Variants in TAB2 observed in about 807,000 individuals in gnomAD.
TAB2 encodes the protein TGF-beta-activated kinase 1 and MAP3K7-binding protein 2.
TAB2 carries 3 observed loss-of-function variants against 65.0 expected under a neutral mutation model. That is an observed-to-expected ratio of 0.05 (90% CI 0.02 to 0.12). The LOEUF is 0.12. TAB2 is among the 10% of genes least tolerant of loss of function. The pLI, the probability that TAB2 is intolerant of heterozygous loss-of-function variation, is 1.00. For synonymous variants in TAB2, 298 were observed against 285.1 expected, an observed-to-expected ratio of 1.05 and a Z score of -0.46; for missense variants, 623 against 840.3, an observed-to-expected ratio of 0.74 and a Z score of 3.20.
At chr6:149,397,480 T>TA (rs1782212080) in intron 3 of TAB2, 124 bp from the exon 4 acceptor site, 1 of 1,143,620 alleles carries the variant, frequency 8.7e-7, no homozygotes, top group Non-Finnish European at 1.3e-6. Flanking sequence ...TGCCTAAACT[T>TA]ACAATATTTT....
intron 5 of TAB2, among the ~76,000 whole-genome samples, 187 bp from the exon 6 acceptor site, chr6:149,398,917 A>G (rs574597106): frequency 3.3e-5 from 5 of 152,244 alleles, no homozygotes; most frequent in South Asian, 2.1e-4. Context: ...TGAGTACTAC[A>G]TTATACCTAA....
chr6:149,398,452 G>A (rs545447645), intron 5 of TAB2, among the ~76,000 whole-genome samples: 2 of 152,158 alleles, frequency 1.3e-5, no homozygotes, highest in South Asian at 4.2e-4. Context: ...ATATAAAATG[G>A]AAAAGACAGG....
At chr6:149,220,486 A>T (rs1777119281) in intron 1 of TAB2, among the ~76,000 whole-genome samples, 1 of 152,166 alleles carries the variant, frequency 6.6e-6, no homozygotes, top group Non-Finnish European at 1.5e-5. Flanking sequence ...GATCTTCCAA[A>T]TGTTGGCATA....
At position 149,338,050 on chromosome 6, in the gene TAB2, C is replaced by T. The variant is rs188349897; in HGVS notation, c.-90+20035C>T. 5.3e-5 allele frequency among the ~76,000 whole-genome samples: 8 copies of T among 152,228 alleles called. No homozygotes were observed. The East Asian group carries it at 1.5e-3, about 29-fold the overall frequency. On this transcript the variant is annotated intron_variant, in intron 1 of 6. Coordinates refer to ENST00000637181, the MANE Select transcript of TAB2 (RefSeq NM_001292034.3). ...CAGGTCCACAATGCTTTATCTGAAA[C>T]CCTGAGGCCAGCTGTGTTTTGGGAT...
chr6:149,344,364 C>T (rs928492962), intron 1 of TAB2, among the ~76,000 whole-genome samples: 1 of 152,022 alleles, frequency 6.6e-6, no homozygotes, highest in Non-Finnish European at 1.5e-5. Flanking sequence ...ATGAAAGTAT[C>T]GTAATAGAGA....
chr6:149,385,547 T>C (rs753129115), intron 3 of TAB2, among the ~76,000 whole-genome samples: 1 of 152,220 alleles, frequency 6.6e-6, no homozygotes, highest in African/African-American at 2.4e-5. Flanking sequence ...ATTGGACCAC[T>C]TACAGAATAT....
intron 1 of TAB2, among the ~76,000 whole-genome samples, chr6:149,304,951 TA>T (rs1279856138): frequency 1.3e-5 from 2 of 151,828 alleles, no homozygotes; most frequent in African/African-American, 4.9e-5. Context: ...TCATATACTT[TA>T]ATCATCTCTA....
intron 1 of TAB2, chr6:149,255,355 T>C (rs1778000399): frequency 6.6e-6 from 1 of 152,266 alleles, no homozygotes; most frequent in Non-Finnish European, 1.5e-5. Flanking sequence ...GAGAAATAAA[T>C]GTTTGTTGAT....
chr6:149,366,204 T>C (rs1027373942), intron 1 of TAB2, among the ~76,000 whole-genome samples: 1 of 152,202 alleles, frequency 6.6e-6, no homozygotes, highest in Non-Finnish European at 1.5e-5. Context: ...CTGGATTCTG[T>C]ATTCCTCCAG....
chr6:149,345,578 A>G (rs2114789800), intron 1 of TAB2, among the ~76,000 whole-genome samples: 1 of 152,344 alleles, frequency 6.6e-6, no homozygotes, highest in South Asian at 2.1e-4. Flanking sequence ...AAATTGGGAC[A>G]GATGACTAAA....
In TAB2 at chr6:149,283,603, G is replaced by A. The variant is rs150907147; in HGVS notation, c.-121+64827G>A. On this transcript the variant is annotated intron_variant, in intron 1 of 1. Coordinates refer to the TAB2 transcript ENST00000606202. The stretch of plus-strand genomic sequence containing the variant: ...TGCACGCCTGTAATCTCAGCTATTC[G>A]GGAGGCTGAGGCAGGAGAATCACTT... Among the ~76,000 whole-genome samples the A allele has an allele frequency of 1.6e-3, 244 of 152,124 alleles. 5 individuals are homozygous for A. In the East Asian group the frequency reaches 0.041, roughly 26 times the overall value.
At chr6:149,289,023 A>G (rs1325135759) in intron 1 of TAB2, among the ~76,000 whole-genome samples, 1 of 151,768 alleles carries the variant, frequency 6.6e-6, no homozygotes, top group Non-Finnish European at 1.5e-5. Context: ...ATGCCCAGCT[A>G]ATTTTTTGTA....
chr6:149,377,931 C>A (rs1781458174), intron 2 of TAB2, 87 bp from the exon 3 acceptor site: 1 of 983,298 alleles, frequency 1.0e-6, no homozygotes, highest in Non-Finnish European at 1.6e-6. Flanking sequence ...ATTAGCCAGT[C>A]ACTTGGTAAT....
intron 1 of TAB2, among the ~76,000 whole-genome samples, chr6:149,368,802 A>C (rs1350502184): frequency 2.0e-5 from 3 of 152,162 alleles, no homozygotes; most frequent in African/African-American, 7.2e-5. Flanking sequence ...CAATTTAATC[A>C]AGTGATGATA....
At chr6:149,253,331 G>T (rs752938204) in intron 1 of TAB2, among the ~76,000 whole-genome samples, 1 of 152,160 alleles carries the variant, frequency 6.6e-6, no homozygotes, top group Non-Finnish European at 1.5e-5. Flanking sequence ...AAGAAAGAAT[G>T]TAGTTTTGGC....
intron 1 of TAB2, among the ~76,000 whole-genome samples, chr6:149,327,946 T>C (rs771469175): frequency 6.6e-6 from 1 of 152,184 alleles, no homozygotes; most frequent in Non-Finnish European, 1.5e-5. Flanking sequence ...TTCATGAGAT[T>C]TTTCCCCTCA....
intron 1 of TAB2, among the ~76,000 whole-genome samples, chr6:149,354,484 T>A (rs189973146): frequency 5.9e-5 from 9 of 152,332 alleles, no homozygotes; most frequent in African/African-American, 2.2e-4. Flanking sequence ...TTATTTTCAC[T>A]TTTTATTGAA....
chr6:149,400,567 G>C lies in TAB2; in HGVS notation c.1939+1383G>C, dbSNP rs745923032. ...CGGGGATTGTCAGTGAAGCAGATCA[G>C]ATTCCGATTTGGTGGGCAACCAATC... On this transcript the variant is annotated intron_variant, in intron 6 of 6. Transcript: ENST00000637181. 3.7e-6 allele frequency: 6 copies of C among 1,614,262 alleles called. No individual in the cohort carries two copies. The South Asian group carries it at 6.6e-5, about 18-fold the overall frequency.
At chr6:149,269,196 T>C (rs1417392651) in intron 1 of TAB2, among the ~76,000 whole-genome samples, 2 of 152,194 alleles carry the variant, frequency 1.3e-5, no homozygotes, top group African/African-American at 4.8e-5. Context: ...CATTAGCCTT[T>C]GTGCTGCGAA....
Sources: gnomAD v4.1 joint callset for allele counts (sites outside exome capture counted in the v4.1 genomes callset) on GRCh38, gnomAD v4.1.1 for gene constraint, MANE v1.5 for transcripts, NCBI Gene and HGNC (gene_info 2026-07-23, HGNC 2026-07-21) for gene names.